Variants in PCDHGA7 observed in about 807,000 individuals in gnomAD.
The protein encoded by PCDHGA7 is protocadherin gamma-A7.
A neutral mutation model predicts 58.3 loss-of-function variants in PCDHGA7; 44 were observed. That is an observed-to-expected ratio of 0.75 (90% CI 0.59 to 0.97). PCDHGA7 has a LOEUF of 0.97. PCDHGA7 is among the 50% of genes least tolerant of loss of function. The pLI, the probability that PCDHGA7 is intolerant of heterozygous loss-of-function variation, is 0.00. For missense variants in PCDHGA7, 1,266 were observed against 1,188.7 expected (o/e 1.06, Z -0.96); for synonymous variants, 516 against 504.2 (o/e 1.02, Z -0.31).
rs987773604 is a variant in PCDHGA7 at position 141,409,588 on chromosome 5, C to G, written c.2424+24265C>G. 5.6e-6 allele frequency: 9 copies of G among 1,613,760 alleles called. 1 individual carries two copies. The highest frequency in any genetic ancestry group is 7.6e-6 in the Non-Finnish European group (9 of 1,179,892). On this transcript the variant is annotated intron_variant, in intron 1 of 3. Transcript: ENST00000518325. ...AGACGTCCTACGTGGTCCACGTGGC[C>G]GAGAACAACCCGCCAGGAGCCTCCA...
intron 1 of PCDHGA7, chr5:141,404,042 A>G: frequency 3.1e-6 from 5 of 1,613,892 alleles, no homozygotes; most frequent in Non-Finnish European, 4.2e-6. Context: ...ACCTCAGGGA[A>G]CAGTAATTCT....
chr5:141,507,616 G>A (rs1288020739), intron 3 of PCDHGA7, among the ~76,000 whole-genome samples: 3 of 152,252 alleles, frequency 2.0e-5, no homozygotes, highest in Non-Finnish European at 4.4e-5. Context: ...GGTATATTTA[G>A]CTGTTGTGGC....
At chr5:141,416,287 T>A (rs2096012467) in intron 1 of PCDHGA7, 1 of 152,276 alleles carries the variant, frequency 6.6e-6, no homozygotes, top group Admixed American at 6.5e-5. Flanking sequence ...ATTCTCTAAT[T>A]TCACACTGCT....
intron 1 of PCDHGA7, among the ~76,000 whole-genome samples, chr5:141,470,537 A>G (rs189730495): frequency 1.3e-5 from 2 of 152,256 alleles, no homozygotes; most frequent in Non-Finnish European, 2.9e-5. Context: ...TGTATCAGGT[A>G]ATATTTATTG....
In PCDHGA7 at chr5:141,491,091, A is replaced by T; in HGVS notation, c.2425-3716A>T. ...TGTTGCCACAGTCCACAGCCCCAGG[A>T]CTGTTCCTCGTGTCTACACACACTG... On this transcript the variant is annotated intron_variant, in intron 1 of 3. Transcript: ENST00000518325. This position sits in a 1 kb window ranked among gnomAD's most constrained non-coding sequence, Gnocchi z 6.9. The T allele has an allele frequency of 6.2e-7, 1 of 1,614,032 alleles. No individual in the cohort carries two copies. Among genetic ancestry groups the T allele is most frequent in the Non-Finnish European group, 8.5e-7 (1 of 1,180,000 alleles).
chr5:141,441,230 ATTTAAATCACAAGATC>A (rs1009424536), intron 1 of PCDHGA7: 1 of 152,196 alleles, frequency 6.6e-6, no homozygotes, highest in African/African-American at 2.4e-5. Context: ...ACTGTCCAGG[ATTTAAATCACAAGATC>A]TTTAAATCAC....
intron 1 of PCDHGA7, among the ~76,000 whole-genome samples, chr5:141,387,521 C>G (rs1036909067): frequency 6.6e-6 from 1 of 152,188 alleles, no homozygotes; most frequent in Non-Finnish European, 1.5e-5. Flanking sequence ...ATTAAATATA[C>G]AGACGTATCC....
intron 1 of PCDHGA7, chr5:141,413,818 G>T: frequency 6.2e-7 from 1 of 1,613,138 alleles, no homozygotes; most frequent in Non-Finnish European, 8.5e-7. Context: ...TCACCACCTG[G>T]TCCTCACCGC....
At chr5:141,391,312 T>C (rs2092346265) in intron 1 of PCDHGA7, 1 of 151,466 alleles carries the variant, frequency 6.6e-6, no homozygotes, top group African/African-American at 2.4e-5. Flanking sequence ...GATTCTTTTT[T>C]TTTTCTTTTT....
chr5:141,392,882 G>A (rs1394691115), intron 1 of PCDHGA7: 2 of 1,613,502 alleles, frequency 1.2e-6, no homozygotes, highest in Non-Finnish European at 1.7e-6. Flanking sequence ...TGGGAACGCT[G>A]TGGGAAATCG....
rs201073884 is a variant in PCDHGA7 at position 141,486,264 on chromosome 5, A to C, written c.2425-8543A>C. On this transcript the variant is annotated intron_variant, in intron 1 of 3. Coordinates refer to ENST00000518325, the MANE Select transcript of PCDHGA7 (RefSeq NM_018920.4). This position sits in a 1 kb window ranked among gnomAD's most constrained non-coding sequence, Gnocchi z 5.0. The stretch of plus-strand genomic sequence containing the variant: ...CTTGGAACCCTCCCCGAGAGTGCAG[A>C]ACCTGGCACTGTGGTGGCACTTATC... 8 of 1,614,032 alleles carry C rather than the reference A, an allele frequency of 5.0e-6. No individual in the cohort carries two copies. The East Asian group carries it at 1.6e-4, about 31-fold the overall frequency.
chr5:141,406,183 C>T (rs1048428263), intron 1 of PCDHGA7, among the ~76,000 whole-genome samples: 5 of 151,756 alleles, frequency 3.3e-5, no homozygotes, highest in Admixed American at 6.6e-5. Flanking sequence ...TGCAATCCTC[C>T]CACCTCAGCC....
At chr5:141,478,755 A>G in intron 1 of PCDHGA7, 1 of 1,519,784 alleles carries the variant, frequency 6.6e-7, no homozygotes, top group South Asian at 1.3e-5. Flanking sequence ...TTCAGGGGGA[A>G]GATACTTGAC....
intron 1 of PCDHGA7, among the ~76,000 whole-genome samples, chr5:141,443,505 A>G (rs553893860): frequency 4.4e-4 from 67 of 152,222 alleles, no homozygotes; most frequent in African/African-American, 1.4e-3. Context: ...AAACAAATAA[A>G]GAGCTTCTCT....
chr5:141,460,277 A>C (rs2154566827), intron 1 of PCDHGA7, among the ~76,000 whole-genome samples: 1 of 152,124 alleles, frequency 6.6e-6, no homozygotes, highest in African/African-American at 2.4e-5. Context: ...TTTCTTTTAT[A>C]GTTTGTATTT....
intron 1 of PCDHGA7, chr5:141,404,452 T>G (rs1197188094): frequency 2.5e-6 from 4 of 1,613,228 alleles, no homozygotes; most frequent in Non-Finnish European, 3.4e-6. Context: ...AAGGGTCTCC[T>G]CTCTCCACCT....
intron 1 of PCDHGA7, chr5:141,404,914 C>T (rs1423848318): frequency 1.2e-6 from 2 of 1,613,948 alleles, no homozygotes; most frequent in Non-Finnish European, 1.7e-6. Flanking sequence ...AGCCCCCTCT[C>T]TCGGCCACTG....
Position 141,498,971 on chromosome 5 carries a change from GGGAAGGAAGGAAGGAAGGAAGGAA to G in PCDHGA7, c.2483+4140_2483+4163del, listed in dbSNP as rs201769957. 5.1e-3 allele frequency among the ~76,000 whole-genome samples: 569 copies of G among 111,048 alleles called. 6 individuals carry two copies. Among genetic ancestry groups the G allele is most frequent in the South Asian group, 0.024 (65 of 2,658 alleles). 72.9% of individuals were successfully genotyped at this position (111,048 alleles called of 152,430 possible). A position where few individuals can be genotyped will look rare whatever the true frequency, so the allele number is the denominator to read the frequency against. On this transcript the variant is annotated intron_variant, in intron 2 of 3. Coordinates refer to ENST00000518325, the MANE Select transcript of PCDHGA7 (RefSeq NM_018920.4). ...AAAAAGAGAGAGAGGGAGGGAGGGA[GGGAAGGAAGGAAGGAAGGAAGGAA>G]GGAAGGAAGGAAGGAAGGAAGGAAG...
chr5:141,423,300 G>T, intron 1 of PCDHGA7: 2 of 1,614,146 alleles, frequency 1.2e-6, no homozygotes, highest in African/African-American at 1.3e-5. Context: ...CAGACCTCTC[G>T]CTGTACTTGG....
Sources: gnomAD v4.1 joint callset for allele counts (sites outside exome capture counted in the v4.1 genomes callset) on GRCh38, gnomAD v4.1.1 for gene constraint, Gnocchi (gnomAD v3.1) non-coding constraint, MANE v1.5 for transcripts, NCBI Gene and HGNC (gene_info 2026-07-23, HGNC 2026-07-21) for gene names.